FAM178B: variants seen among roughly 807,000 people sequenced by gnomAD.
FAM178B encodes protein FAM178B.
In FAM178B, 82 loss-of-function variants were observed where a neutral mutation model predicts 91.7. The ratio of observed to expected loss-of-function variants is 0.89; its 90% CI spans 0.75 to 1.07. The LOEUF (loss-of-function observed/expected upper bound fraction) is 1.07. Ranked by LOEUF, FAM178B falls within the 50% of genes least tolerant of loss-of-function variation. FAM178B has a pLI of 0.00. For synonymous variants in FAM178B, 368 were observed against 359.4 expected (o/e 1.02, Z -0.27); for missense variants, 769 against 846.7 (o/e 0.91, Z 1.14).
In FAM178B at chr2:96,986,320, G is replaced by C. The variant is rs543567171; in HGVS notation, c.-7C>G. ...CTGGAAGCCTTGGCCACATAGGGCG[G>C]GAAGGGCAGGGCTCCGGGGTGAGGG... is the stretch of plus-strand genomic sequence containing the variant. On this transcript the variant is annotated 5_prime_UTR_variant, in exon 1 of 17. Transcript: ENST00000490605. 9.8e-6 allele frequency: 15 copies of C among 1,533,930 alleles called. No individual in the cohort carries two copies. In the South Asian group the frequency reaches 1.8e-4, roughly 18 times the overall value.
At chr2:96,974,558 C>T (rs1396613184) in intron 1 of FAM178B, among the ~76,000 whole-genome samples, 1 of 151,932 alleles carries the variant, frequency 6.6e-6, no homozygotes, top group Non-Finnish European at 1.5e-5. Context: ...GGATTAAATT[C>T]TCCAATCAAA....
intron 1 of FAM178B, among the ~76,000 whole-genome samples, chr2:96,978,799 G>A (rs760409354): frequency 2.0e-5 from 3 of 151,050 alleles, no homozygotes; most frequent in Admixed American, 6.6e-5. Context: ...TAATTTTTTC[G>A]TATTTTTAGC....
At chr2:96,901,658 G>A (rs1453088901) in intron 13 of FAM178B, among the ~76,000 whole-genome samples, 1 of 152,100 alleles carries the variant, frequency 6.6e-6, no homozygotes, top group Non-Finnish European at 1.5e-5. Context: ...GGCACTGTTG[G>A]GGGGTTGTGT....
At chr2:96,966,422 G>A (rs762373266) in intron 5 of FAM178B, among the ~76,000 whole-genome samples, 13 of 152,136 alleles carry the variant, frequency 8.5e-5, no homozygotes, top group Non-Finnish European at 1.3e-4. Flanking sequence ...TGCCCCCAGC[G>A]TTAGCCTTTC....
rs573056963 is a variant in FAM178B, at chr2:96,981,904, A to C, written c.73+4337T>G. On this transcript the variant is annotated intron_variant, in intron 1 of 16. Coordinates refer to ENST00000490605, the MANE Select transcript of FAM178B (RefSeq NM_001122646.3). ...CAACACAGTGAAACCCTGTCTCTAC[A>C]AAAAAACGCAAAAATTAGCTGGGCA... Among the ~76,000 whole-genome samples the C allele has an allele frequency of 3.3e-5, 5 of 151,880 alleles. No individual in the cohort carries two copies. The East Asian group carries it at 9.7e-4, about 29-fold the overall frequency.
chr2:96,922,720 T>C lies in FAM178B; in HGVS notation c.1287+770A>G, dbSNP rs1342391439. On this transcript the variant is annotated intron_variant, in intron 10 of 16. Coordinates refer to ENST00000490605, the MANE Select transcript of FAM178B (RefSeq NM_001122646.3). ...GATTTGCTTCCAATTCTTTTTATTT[T>C]TGAGATGGAGTTTCTCTCTTGTTGC... Among the ~76,000 whole-genome samples, 12 of 152,306 alleles carry C rather than the reference T, an allele frequency of 7.9e-5. No homozygotes were observed. In the South Asian group the frequency reaches 2.3e-3, roughly 29 times the overall value.
At chr2:96,960,069 G>A (rs900601835) in intron 6 of FAM178B, among the ~76,000 whole-genome samples, 3 of 152,238 alleles carry the variant, frequency 2.0e-5, no homozygotes, top group African/African-American at 7.2e-5. Context: ...CTGGCTATCT[G>A]CTATAATGTG....
At chr2:96,954,141 C>G (rs1010845022) in intron 6 of FAM178B, among the ~76,000 whole-genome samples, 1 of 152,164 alleles carries the variant, frequency 6.6e-6, no homozygotes, top group Non-Finnish European at 1.5e-5. Context: ...GAGGGAGAGA[C>G]AGAGGGACAG....
intron 1 of FAM178B, among the ~76,000 whole-genome samples, chr2:96,975,660 T>G (rs774849518): frequency 6.6e-6 from 1 of 152,238 alleles, no homozygotes; most frequent in African/African-American, 2.4e-5. Flanking sequence ...AAGCCTAATT[T>G]CTTCTATCAA....
intron 8 of FAM178B, among the ~76,000 whole-genome samples, chr2:96,947,203 G>C (rs987972741): frequency 4.6e-5 from 7 of 152,188 alleles, no homozygotes; most frequent in Non-Finnish European, 1.0e-4. Flanking sequence ...AGCCACTAGG[G>C]GGGGAAATTA....
rs759988596 is a variant in FAM178B at position 96,929,214 on chromosome 2, G to A, written c.1185C>T (p.His395=). 281 of 1,550,086 alleles carry A rather than the reference G, an allele frequency of 1.8e-4. 9 individuals carry two copies. The South Asian group carries it at 2.6e-3, about 15-fold the overall frequency. Residue 395 remains histidine (H), a synonymous_variant, in exon 9 of 17, where the codon CAC becomes CAT. Coordinates refer to ENST00000490605, the MANE Select transcript of FAM178B (RefSeq NM_001122646.3). ...PALYPLGPFW[H]GGRVLPGEAG... is the part of the protein sequence containing the mutation. ...GAAGCAGAAGTACTCACCTGCCACCGTGCCAAAAGGGCCCCAGAGGGTACA... is the reference window on the plus strand; with the variant it reads ...GAAGCAGAAGTACTCACCTGCCACCATGCCAAAAGGGCCCCAGAGGGTACA...
intron 5 of FAM178B, among the ~76,000 whole-genome samples, chr2:96,961,492 C>T (rs1306181355): frequency 6.6e-6 from 1 of 152,206 alleles, no homozygotes; most frequent in South Asian, 2.1e-4. Flanking sequence ...AGGGCAACTT[C>T]CTCTTTACTT....
At chr2:96,979,308 C>T (rs1308008220) in intron 1 of FAM178B, among the ~76,000 whole-genome samples, 6 of 117,776 alleles carry the variant, frequency 5.1e-5, no homozygotes, top group Middle Eastern at 8.8e-3. Flanking sequence ...GAGACAGAGT[C>T]GCACTCTGTC....
At chr2:96,912,659 G>C (rs370785710) in intron 12 of FAM178B, among the ~76,000 whole-genome samples, 54 of 152,274 alleles carry the variant, frequency 3.5e-4, no homozygotes, top group African/African-American at 1.3e-3. Context: ...AGGGAGCCGC[G>C]TCCTCTCCAG....
chr2:96,929,593 C>G (rs72811670), intron 8 of FAM178B, among the ~76,000 whole-genome samples: 12,118 of 152,312 alleles, frequency 0.08, 716 homozygotes, highest in African/African-American at 0.16. Flanking sequence ...ATCTGGCCAT[C>G]CACATCAGGC....
intron 1 of FAM178B, among the ~76,000 whole-genome samples, chr2:96,977,194 CAAAAAAAAAAAAAA>C (rs70964891): frequency 2.6e-5 from 1 of 38,522 alleles, no homozygotes; most frequent in Non-Finnish European, 4.6e-5. Flanking sequence ...GACTCTGTCT[CAAAAAAAAAAAAAA>C]AAAAAAAAAG....
chr2:96,902,064 T>C (rs954984812), intron 13 of FAM178B, among the ~76,000 whole-genome samples: 23 of 151,946 alleles, frequency 1.5e-4, no homozygotes, highest in African/African-American at 5.5e-4. Context: ...CCTCCCAAAG[T>C]GCTGGGATTA....
chr2:96,959,691 A>G (rs2082053295), intron 6 of FAM178B, among the ~76,000 whole-genome samples: 1 of 152,206 alleles, frequency 6.6e-6, no homozygotes, highest in African/African-American at 2.4e-5. Context: ...TTCTTCTTGG[A>G]TATATTAGCT....
chr2:96,924,481 G>C (rs2081401289), intron 9 of FAM178B, among the ~76,000 whole-genome samples: 1 of 152,180 alleles, frequency 6.6e-6, no homozygotes, highest in Non-Finnish European at 1.5e-5. Context: ...CCAGGGCTGG[G>C]GAAAGAAAAA....
Sources: allele counts gnomAD v4.1 joint callset (sites outside exome capture counted in the v4.1 genomes callset), GRCh38; gene constraint gnomAD v4.1.1; transcripts MANE v1.5; gene names NCBI Gene and HGNC (gene_info 2026-07-23, HGNC 2026-07-21).